PDLIM5: variants seen among roughly 807,000 people sequenced by gnomAD.
PDLIM5 encodes the protein PDZ and LIM domain 5, also known as PDZ and LIM domain protein 5.
In PDLIM5, 34 loss-of-function variants were observed where a neutral mutation model predicts 64.2. That is an observed-to-expected ratio of 0.53 (90% CI 0.40 to 0.71). The LOEUF (loss-of-function observed/expected upper bound fraction) is 0.71, where lower values mean the gene tolerates loss of function less well. Among genes scored for constraint, PDLIM5 ranks in the 30% least tolerant of loss-of-function variants. The probability of loss-of-function intolerance (pLI) is 0.00; values close to 1 mark genes in which losing one functional copy is unlikely to be tolerated. For synonymous variants in PDLIM5, 253 were observed against 269.1 expected (o/e 0.94, Z 0.59); for missense variants, 683 against 733.6 (o/e 0.93, Z 0.80).
At chr4:94,575,190 G>C (rs1159653083) in intron 4 of PDLIM5, among the ~76,000 whole-genome samples, 1 of 151,686 alleles carries the variant, frequency 6.6e-6, no homozygotes, top group Admixed American at 6.6e-5. Context: ...TGGGACTATG[G>C]GCTTTGAAAG....
intron 2 of PDLIM5, among the ~76,000 whole-genome samples, chr4:94,458,272 CAAG>C (rs1723557564): frequency 6.6e-6 from 1 of 151,986 alleles, no homozygotes; most frequent in African/African-American, 2.4e-5. Flanking sequence ...TTAATAGTAT[CAAG>C]AAACAATTAA....
At chr4:94,459,021 G>C (rs982245307) in intron 2 of PDLIM5, among the ~76,000 whole-genome samples, 2 of 152,160 alleles carry the variant, frequency 1.3e-5, no homozygotes, top group Non-Finnish European at 1.5e-5. Flanking sequence ...TGTGTTTATG[G>C]AATTGCCCTG....
At position 94,657,441 on chromosome 4, in the gene PDLIM5, G is replaced by A. The variant is rs769149728; in HGVS notation, c.1479G>A (p.Ala493=). The change falls in exon 11 of 13, where the codon GCG becomes GCA. Residue 493 remains alanine (A), a synonymous_variant. Coordinates refer to ENST00000317968, the MANE Select transcript of PDLIM5 (RefSeq NM_006457.5). ...QRKILGEVIS[A]LKQTWHVSCF... ...TTCTGTAACAGGAAGTCATCAGTGC[G>A]TTGAAACAAACTTGGCATGTTTCCT... is the stretch of plus-strand genomic sequence containing the variant. The A allele has an allele frequency of 3.8e-5, 61 of 1,597,582 alleles. No homozygotes were observed. The highest frequency in any genetic ancestry group is 1.7e-4 in the Middle Eastern group (1 of 6,048).
chr4:94,561,418 A>G (rs1733832999), intron 3 of PDLIM5, among the ~76,000 whole-genome samples: 1 of 152,190 alleles, frequency 6.6e-6, no homozygotes, highest in South Asian at 2.1e-4. Context: ...CAGCCAAAAG[A>G]GTTACAAAAT....
In PDLIM5 at chr4:94,587,624, A is replaced by G. The variant is rs553537735; in HGVS notation, c.920+1180A>G. 356 of 976,894 alleles carry G rather than the reference A, an allele frequency of 3.6e-4. 1 individual carries two copies. In the African/African-American group the frequency reaches 5.8e-3, roughly 16 times the overall value. 60.5% of individuals were successfully genotyped at this position (976,894 alleles called of 1,614,324 possible). A position where few individuals can be genotyped will look rare whatever the true frequency, so the allele number is the denominator to read the frequency against. On this transcript the variant is annotated intron_variant, in intron 7 of 12. Transcript: ENST00000317968. ...GAGTGCGTGCATTGTAGATTTAGGT[A>G]TCTTTTAAAGTAGGTACTATTCAGG...
intron 2 of PDLIM5, among the ~76,000 whole-genome samples, chr4:94,458,007 G>GC (rs1422840671): frequency 6.6e-6 from 1 of 152,132 alleles, no homozygotes; most frequent in Non-Finnish European, 1.5e-5. Flanking sequence ...AAGGAGAGAA[G>GC]GGAATGTTGG....
chr4:94,546,741 G>C (rs1284824311), intron 3 of PDLIM5, among the ~76,000 whole-genome samples: 2 of 152,066 alleles, frequency 1.3e-5, no homozygotes. Flanking sequence ...AAAAACACCA[G>C]GGATATTAAA....
chr4:94,477,212 G>C (rs1725400121), intron 2 of PDLIM5, among the ~76,000 whole-genome samples: 1 of 152,108 alleles, frequency 6.6e-6, no homozygotes, highest in Non-Finnish European at 1.5e-5. Flanking sequence ...TTCTTTTCTG[G>C]CCATATTGCC....
intron 9 of PDLIM5, among the ~76,000 whole-genome samples, chr4:94,642,445 A>G (rs1352318464): frequency 6.6e-6 from 1 of 152,234 alleles, no homozygotes; most frequent in Non-Finnish European, 1.5e-5. Context: ...CCAGGCCAGT[A>G]TGCAATTTTA....
At chr4:94,465,425 G>C (rs1724262588) in intron 2 of PDLIM5, among the ~76,000 whole-genome samples, 1 of 152,048 alleles carries the variant, frequency 6.6e-6, no homozygotes, top group Admixed American at 6.6e-5. Flanking sequence ...TTTTGAGATG[G>C]AGTCTCGCTC....
intron 3 of PDLIM5, among the ~76,000 whole-genome samples, chr4:94,535,801 C>G (rs1303337659): frequency 1.3e-5 from 2 of 148,536 alleles, no homozygotes; most frequent in East Asian, 2.0e-4. Flanking sequence ...GCTCACAGTG[C>G]TGGGCACTGG....
chr4:94,589,641 C>T (rs564459714), intron 7 of PDLIM5, among the ~76,000 whole-genome samples: 1 of 152,268 alleles, frequency 6.6e-6, no homozygotes, highest in African/African-American at 2.4e-5. Flanking sequence ...CTTATACAGA[C>T]TTTCTTCATT....
At chr4:94,548,739 C>T (rs1180595550) in intron 3 of PDLIM5, among the ~76,000 whole-genome samples, 1 of 152,184 alleles carries the variant, frequency 6.6e-6, no homozygotes, top group African/African-American at 2.4e-5. Context: ...CCACTTCCCT[C>T]TAAGCTTAGT....
intron 7 of PDLIM5, among the ~76,000 whole-genome samples, chr4:94,616,666 G>GT (rs1314831024): frequency 6.6e-6 from 1 of 152,166 alleles, no homozygotes; most frequent in Non-Finnish European, 1.5e-5. Context: ...AGTGCTTAAA[G>GT]TTTTTTATTG....
intron 3 of PDLIM5, among the ~76,000 whole-genome samples, chr4:94,530,974 T>C (rs1248852511): frequency 6.6e-6 from 1 of 152,142 alleles, no homozygotes; most frequent in Non-Finnish European, 1.5e-5. Flanking sequence ...GAGGCAGGAG[T>C]TTAGAAAGTA....
intron 2 of PDLIM5, among the ~76,000 whole-genome samples, chr4:94,466,273 G>A (rs549192292): frequency 6.6e-6 from 1 of 152,252 alleles, no homozygotes; most frequent in South Asian, 2.1e-4. Flanking sequence ...AGGTCTGTGT[G>A]TTTCTTAACC....
In PDLIM5 at chr4:94,640,362, A is replaced by T; in HGVS notation, c.1195A>T (p.Ser399Cys). The T allele has an allele frequency of 1.2e-6, 2 of 1,613,446 alleles. No homozygotes were observed. Among genetic ancestry groups the T allele is most frequent in the Non-Finnish European group, 1.7e-6 (2 of 1,179,416 alleles). ...CTCAGCTTTGGGACAAACCCAGCCA[A>T]GTGACCAGGACACTTTAGTGCAAAG... ...ANSALGQTQP[S>C]DQDTLVQRAE... The change falls in exon 9 of 13, where the codon AGT (serine) becomes TGT (cysteine). Residue 399 changes from serine to cysteine, a missense_variant. Ser to Cys is a moderately radical substitution (Grantham distance 112, BLOSUM62 -1). Coordinates refer to ENST00000317968, the MANE Select transcript of PDLIM5 (RefSeq NM_006457.5).
intron 3 of PDLIM5, chr4:94,549,656 A>G (rs1305653115): frequency 1.3e-5 from 2 of 152,216 alleles, no homozygotes; most frequent in African/African-American, 4.8e-5. Context: ...AGCAAGGTGT[A>G]AAACAGTGTG....
chr4:94,525,440 A>T (rs972621554), intron 3 of PDLIM5, among the ~76,000 whole-genome samples: 45 of 151,714 alleles, frequency 3.0e-4, no homozygotes, highest in African/African-American at 1.0e-3. Flanking sequence ...AAAAATATTA[A>T]AAAAAAAGAG....
Sources: gnomAD v4.1 joint callset for allele counts (sites outside exome capture counted in the v4.1 genomes callset) on GRCh38, gnomAD v4.1.1 for gene constraint, MANE v1.5 for transcripts, NCBI Gene and HGNC (gene_info 2026-07-23, HGNC 2026-07-21) for gene names.